Variants in CHRM3 observed in about 807,000 individuals in gnomAD.
The protein encoded by CHRM3 is cholinergic receptor muscarinic 3.
In CHRM3, 11 loss-of-function variants were observed where a neutral mutation model predicts 41.8. The ratio of observed to expected loss-of-function variants is 0.26; its 90% CI spans 0.17 to 0.44. The LOEUF (loss-of-function observed/expected upper bound fraction) is 0.44, where lower values mean the gene tolerates loss of function less well. Ranked by LOEUF, CHRM3 falls within the 20% of genes least tolerant of loss-of-function variation. The pLI, the probability that CHRM3 is intolerant of heterozygous loss-of-function variation, is 1.00. For missense variants in CHRM3, 571 were observed against 745.4 expected, an observed-to-expected ratio of 0.77 and a Z score of 2.72; for synonymous variants, 297 against 301.4, an observed-to-expected ratio of 0.99 and a Z score of 0.15.
chr1:239,433,673 T>C (rs1230452423), intron 1 of CHRM3, among the ~76,000 whole-genome samples: 2 of 145,138 alleles, frequency 1.4e-5, no homozygotes, highest in Non-Finnish European at 3.0e-5. Flanking sequence ...TGCATCCTCA[T>C]AGCTTAGCTC....
At chr1:239,876,306 T>A (rs555456627) in intron 6 of CHRM3, among the ~76,000 whole-genome samples, 4 of 152,352 alleles carry the variant, frequency 2.6e-5, no homozygotes, top group Non-Finnish European at 4.4e-5. Flanking sequence ...TGGTATGCAT[T>A]TATTGTTAAC....
chr1:239,611,661 C>T (rs562425973), intron 3 of CHRM3, among the ~76,000 whole-genome samples: 8 of 152,150 alleles, frequency 5.3e-5, no homozygotes, highest in South Asian at 2.1e-4. Flanking sequence ...CCTCGTGATC[C>T]GCCCGCCTTG....
At chr1:239,642,589 G>C (rs1671291650) in intron 4 of CHRM3, among the ~76,000 whole-genome samples, 1 of 152,148 alleles carries the variant, frequency 6.6e-6, no homozygotes. Flanking sequence ...TCTTCACATA[G>C]TTCTCGAGCC....
chr1:239,466,723 C>A (rs1665756082), intron 1 of CHRM3, among the ~76,000 whole-genome samples: 1 of 152,062 alleles, frequency 6.6e-6, no homozygotes, highest in African/African-American at 2.4e-5. Flanking sequence ...CTCAGCCCAC[C>A]AAAGTGTTGG....
intron 1 of CHRM3, among the ~76,000 whole-genome samples, chr1:239,415,790 A>G (rs1372638295): frequency 1.3e-5 from 2 of 152,224 alleles, no homozygotes; most frequent in African/African-American, 2.4e-5. Flanking sequence ...ATGTCACTTC[A>G]TTCATCCAAG....
chr1:239,815,109 A>G (rs1671469259), intron 5 of CHRM3, among the ~76,000 whole-genome samples: 1 of 152,136 alleles, frequency 6.6e-6, no homozygotes, highest in South Asian at 2.1e-4. Context: ...TTCTCTGGCA[A>G]AGTACCCATT....
chr1:239,885,325 G>A (rs10802810), intron 6 of CHRM3, among the ~76,000 whole-genome samples: 52,140 of 151,990 alleles, frequency 0.34, 9,493 homozygotes, highest in Non-Finnish European at 0.4. Flanking sequence ...CACCCTCTGA[G>A]TTTTAGTGAC....
At chr1:239,408,632 C>T (rs1660829271) in intron 1 of CHRM3, among the ~76,000 whole-genome samples, 1 of 151,784 alleles carries the variant, frequency 6.6e-6, no homozygotes, top group African/African-American at 2.4e-5. Context: ...CTATGTTGGC[C>T]CAGGATGCTC....
chr1:239,757,631 GA>G (rs34824685), intron 5 of CHRM3, among the ~76,000 whole-genome samples: 90 of 128,072 alleles, frequency 7.0e-4, no homozygotes, highest in Admixed American at 7.1e-4. Flanking sequence ...CTCCGTCTCA[GA>G]AAAAAAAAAA....
At chr1:239,415,025 C>T (rs1661386597) in intron 1 of CHRM3, among the ~76,000 whole-genome samples, 1 of 152,064 alleles carries the variant, frequency 6.6e-6, no homozygotes, top group South Asian at 2.1e-4. Flanking sequence ...AATAATTTGT[C>T]CAAAGCAGCT....
At chr1:239,427,891 A>G (rs1283410640) in intron 1 of CHRM3, among the ~76,000 whole-genome samples, 1 of 152,204 alleles carries the variant, frequency 6.6e-6, no homozygotes, top group Non-Finnish European at 1.5e-5. Flanking sequence ...TACAATAATA[A>G]GAGTCCAAAG....
chr1:239,786,534 C>T (rs1432216079), intron 5 of CHRM3, among the ~76,000 whole-genome samples: 4 of 152,158 alleles, frequency 2.6e-5, no homozygotes, highest in Non-Finnish European at 2.9e-5. Flanking sequence ...TGGTACAGCT[C>T]GTAAATCTGT....
intron 5 of CHRM3, among the ~76,000 whole-genome samples, chr1:239,814,780 T>A (rs527292530): frequency 4.7e-4 from 72 of 152,262 alleles, no homozygotes; most frequent in African/African-American, 1.6e-3. Flanking sequence ...TCTATTTTTT[T>A]ATTTATTTGT....
rs1227803082 is a variant in CHRM3, at chr1:239,441,085, A to G, written c.-520-51624A>G. On this transcript the variant is annotated intron_variant, in intron 1 of 6. Coordinates refer to ENST00000676153, the MANE Select transcript of CHRM3 (RefSeq NM_001375978.1). ...AATAAGCTAAAAATGGAGTCTCCTC[A>G]TAGTGATTATTAACTAATGGAGGGA... 2.6e-5 allele frequency among the ~76,000 whole-genome samples: 4 copies of G among 152,324 alleles called. No homozygotes were observed. In the South Asian group the frequency reaches 6.2e-4, roughly 24 times the overall value.
chr1:239,637,232 C>G (rs1478381466), intron 4 of CHRM3, among the ~76,000 whole-genome samples: 1 of 152,018 alleles, frequency 6.6e-6, no homozygotes, highest in Non-Finnish European at 1.5e-5. Flanking sequence ...ATTTTCTGCT[C>G]TAACATGTTA....
chr1:239,491,413 G>C (rs1338273101), intron 1 of CHRM3, among the ~76,000 whole-genome samples: 1 of 152,088 alleles, frequency 6.6e-6, no homozygotes, highest in Non-Finnish European at 1.5e-5. Context: ...AACTTTATTT[G>C]CTCCCACATA....
At chr1:239,814,088 C>T (rs1463938495) in intron 5 of CHRM3, among the ~76,000 whole-genome samples, 1 of 151,918 alleles carries the variant, frequency 6.6e-6, no homozygotes, top group Non-Finnish European at 1.5e-5. Context: ...TCTCAGAAGG[C>T]CAATTTAGGA....
intron 5 of CHRM3, among the ~76,000 whole-genome samples, chr1:239,728,768 A>G (rs1476592179): frequency 6.6e-6 from 1 of 151,918 alleles, no homozygotes; most frequent in African/African-American, 2.4e-5. Context: ...AAGAGTCTCC[A>G]TTGTGTGCAC....
At chr1:239,741,366 C>A (rs143259302) in intron 5 of CHRM3, among the ~76,000 whole-genome samples, 1 of 152,110 alleles carries the variant, frequency 6.6e-6, no homozygotes, top group African/African-American at 2.4e-5. Context: ...ATATTCCTGG[C>A]GTTCCTGAAT....
Sources: allele counts gnomAD v4.1 joint callset (sites outside exome capture counted in the v4.1 genomes callset), GRCh38; gene constraint gnomAD v4.1.1; transcripts MANE v1.5; gene names NCBI Gene and HGNC (gene_info 2026-07-23, HGNC 2026-07-21).